Variants in WWOX observed in about 807,000 individuals in gnomAD.
WWOX encodes WW domain containing oxidoreductase.
WWOX carries 69 observed loss-of-function variants against 46.2 expected under a neutral mutation model. That is an observed-to-expected ratio of 1.49 (90% CI 1.23 to 1.82). The LOEUF (loss-of-function observed/expected upper bound fraction) is 1.82. Ranked by LOEUF, WWOX falls within the 40% of genes most tolerant of loss-of-function variation. The pLI, the probability that WWOX is intolerant of heterozygous loss-of-function variation, is 0.00. For synonymous variants in WWOX, 359 were observed against 202.6 expected, an observed-to-expected ratio of 1.77 and a Z score of -6.56; for missense variants, 919 against 542.6, an observed-to-expected ratio of 1.69 and a Z score of -6.89.
At chr16:78,501,193 C>CTCTTTTTTTTTTTTTTTTTTTT (rs1567609023) in intron 8 of WWOX, among the ~76,000 whole-genome samples, 3 of 90,932 alleles carry the variant, frequency 3.3e-5, no homozygotes, top group East Asian at 3.5e-4. Flanking sequence ...CTTTCTTTCT[C>CTCTTTTTTTTTTTTTTTTTTTT]TTTTTTTTTT....
At chr16:78,888,152 C>A (rs1455862649) in intron 8 of WWOX, among the ~76,000 whole-genome samples, 1 of 152,138 alleles carries the variant, frequency 6.6e-6, no homozygotes, top group African/African-American at 2.4e-5. Flanking sequence ...AAAGCTGGCT[C>A]CTTTTAAAAG....
At chr16:78,982,733 A>T (rs1210326410) in intron 8 of WWOX, among the ~76,000 whole-genome samples, 3 of 152,172 alleles carry the variant, frequency 2.0e-5, no homozygotes, top group Admixed American at 2.0e-4. Context: ...TGTGCATTTG[A>T]ATCCTGCAAA....
intron 5 of WWOX, among the ~76,000 whole-genome samples, chr16:78,345,446 C>T (rs2081076105): frequency 2.0e-5 from 1 of 49,956 alleles, no homozygotes; most frequent in Non-Finnish European, 4.4e-5. Context: ...CATGGCAAAA[C>T]CCCATCGCTA....
chr16:78,171,911 G>A (rs564814799), intron 5 of WWOX, among the ~76,000 whole-genome samples: 1 of 152,266 alleles, frequency 6.6e-6, no homozygotes, highest in East Asian at 1.9e-4. Flanking sequence ...CTGCAGGTGG[G>A]GGGTTGGATA....
chr16:78,117,084 T>A (rs1477411223), intron 4 of WWOX, among the ~76,000 whole-genome samples: 2 of 152,206 alleles, frequency 1.3e-5, no homozygotes, highest in Non-Finnish European at 2.9e-5. Context: ...GAGAATAAAT[T>A]TGTGGTTGCT....
rs574157524 is a variant in WWOX, at chr16:78,886,822, C to T, written c.1057-324786C>T. On this transcript the variant is annotated intron_variant, in intron 8 of 8. Coordinates refer to ENST00000566780, the MANE Select transcript of WWOX (RefSeq NM_016373.4). ...ACAGCTGTATGGTAAAAAGCTTATT[C>T]AGAGTCCTTCCTTCTTGGAAAGCTT... Among the ~76,000 whole-genome samples, 57 of 152,162 alleles carry T rather than the reference C, an allele frequency of 3.7e-4. No individual in the cohort carries two copies. The South Asian group carries it at 4.4e-3, about 12-fold the overall frequency.
At chr16:78,622,807 C>G (rs1228279023) in intron 8 of WWOX, among the ~76,000 whole-genome samples, 2 of 152,110 alleles carry the variant, frequency 1.3e-5, no homozygotes, top group African/African-American at 2.4e-5. Context: ...TTACATGAGA[C>G]AGATTTTGAG....
At position 78,581,988 on chromosome 16, in the gene WWOX, G is replaced by A. The variant is rs568161764; in HGVS notation, c.1056+149236G>A. Among the ~76,000 whole-genome samples the A allele has an allele frequency of 2.2e-4, 33 of 152,274 alleles. No individual in the cohort carries two copies. In the South Asian group the frequency reaches 4.6e-3, roughly 21 times the overall value. ...ACAAATATGTCAGGTATAACTTGGG[G>A]CATCAAAACATTGTTTTAAATATTT... On this transcript the variant is annotated intron_variant, in intron 8 of 8. Transcript: ENST00000566780.
intron 5 of WWOX, among the ~76,000 whole-genome samples, chr16:78,349,738 C>T (rs1206977027): frequency 1.7e-5 from 2 of 120,864 alleles, no homozygotes; most frequent in African/African-American, 5.6e-5. Context: ...GCTTGGAGTG[C>T]AGGTGTCACC....
chr16:78,914,001 A>G (rs1327304548), intron 8 of WWOX, among the ~76,000 whole-genome samples: 2 of 151,814 alleles, frequency 1.3e-5, no homozygotes, highest in Non-Finnish European at 2.9e-5. Flanking sequence ...CAGGAAATTC[A>G]CTGATATTAT....
chr16:78,724,451 C>T (rs2048776193), intron 8 of WWOX, among the ~76,000 whole-genome samples: 1 of 152,122 alleles, frequency 6.6e-6, no homozygotes, highest in Non-Finnish European at 1.5e-5. Context: ...CATTGCACCC[C>T]CAGCTTTTAG....
chr16:78,422,102 A>AT (rs1292323432), intron 6 of WWOX, among the ~76,000 whole-genome samples: 1 of 152,218 alleles, frequency 6.6e-6, no homozygotes, highest in East Asian at 1.9e-4. Flanking sequence ...CTACCTTTAT[A>AT]AAATTTCTAA....
rs370857799 is a variant in WWOX, at chr16:78,649,240, C to G, written c.1056+216488C>G. On this transcript the variant is annotated intron_variant, in intron 8 of 8. Transcript: ENST00000566780. ...CCTCAAATGATCCAACCGCCTCGGA[C>G]TTCCGAAGTGCTGGGATTACAGGCG... 6.6e-5 allele frequency among the ~76,000 whole-genome samples: 10 copies of G among 152,334 alleles called. No homozygotes were observed. In the East Asian group the frequency reaches 1.5e-3, roughly 24 times the overall value.
chr16:78,406,303 A>AATATAC (rs1200192812), intron 6 of WWOX, among the ~76,000 whole-genome samples: 1 of 57,844 alleles, frequency 1.7e-5, no homozygotes, highest in African/African-American at 4.2e-5. Context: ...TATAAATATA[A>AATATAC]ATATATATAT....
Position 78,859,703 on chromosome 16 carries a change from C to T in WWOX, c.1057-351905C>T, listed in dbSNP as rs147345966. 2.0e-5 allele frequency among the ~76,000 whole-genome samples: 3 copies of T among 152,154 alleles called. No individual in the cohort carries two copies. In the East Asian group the frequency reaches 5.8e-4, roughly 29 times the overall value. On this transcript the variant is annotated intron_variant, in intron 8 of 8. Transcript: ENST00000566780. ...AATGTACTCAAAAATTTCTCCATAGCCTTCTGGGTTAGAGGATATAACAGC... is the reference window on the plus strand; with the variant it reads ...AATGTACTCAAAAATTTCTCCATAGTCTTCTGGGTTAGAGGATATAACAGC...
chr16:78,982,051 A>C (rs1199672398), intron 8 of WWOX, among the ~76,000 whole-genome samples: 1 of 151,942 alleles, frequency 6.6e-6, no homozygotes, highest in Non-Finnish European at 1.5e-5. Context: ...GCTGGGTGAA[A>C]CGTGTTGTCT....
chr16:78,407,996 A>C (rs530566705), intron 6 of WWOX, among the ~76,000 whole-genome samples: 64 of 152,292 alleles, frequency 4.2e-4, no homozygotes, highest in South Asian at 1.0e-3. Flanking sequence ...TCCCTGCTCA[A>C]GTTGGTATGA....
intron 8 of WWOX, among the ~76,000 whole-genome samples, chr16:79,179,339 A>C (rs1362348147): frequency 1.3e-5 from 2 of 152,166 alleles, no homozygotes; most frequent in Non-Finnish European, 2.9e-5. Context: ...CATGAGAGGT[A>C]CTCTTAGCAA....
intron 8 of WWOX, among the ~76,000 whole-genome samples, chr16:78,803,402 G>A (rs1165033617): frequency 6.6e-6 from 1 of 152,096 alleles, no homozygotes. Context: ...GTTTTATATG[G>A]AGGTTTTAAA....
Sources: gnomAD v4.1 joint callset for allele counts (sites outside exome capture counted in the v4.1 genomes callset) on GRCh38, gnomAD v4.1.1 for gene constraint, MANE v1.5 for transcripts, NCBI Gene and HGNC (gene_info 2026-07-23, HGNC 2026-07-21) for gene names.